ASCC3: variants seen among roughly 807,000 people sequenced by gnomAD.
ASCC3 encodes activating signal cointegrator 1 complex subunit 3.
Under a neutral mutation model 256.3 loss-of-function variants are expected in ASCC3, and 158 were observed. The ratio of observed to expected loss-of-function variants is 0.62; its 90% CI spans 0.54 to 0.70. The LOEUF is 0.70. Among genes scored for constraint, ASCC3 ranks in the 30% least tolerant of loss-of-function variants. ASCC3 has a pLI of 0.00. For synonymous variants in ASCC3, 948 were observed against 883.4 expected (o/e 1.07, Z -1.30); for missense variants, 2,259 against 2,626.0 (o/e 0.86, Z 3.05).
At chr6:100,880,912 G>T (rs894643480) in intron 1 of ASCC3, 149 bp downstream of exon 1, 1 of 152,250 alleles carries the variant, frequency 6.6e-6, no homozygotes, top group Non-Finnish European at 1.5e-5. Flanking sequence ...TCATGCCACT[G>T]AAAAGGATGA....
intron 16 of ASCC3, among the ~76,000 whole-genome samples, chr6:100,657,295 T>G (rs1204016718): frequency 2.0e-5 from 3 of 151,452 alleles, no homozygotes; most frequent in African/African-American, 7.2e-5. Flanking sequence ...CAGTGTAAAC[T>G]GTAAGCCTTT....
At chr6:100,811,225 GTA>G (rs2114385555) in intron 4 of ASCC3, among the ~76,000 whole-genome samples, 1 of 152,100 alleles carries the variant, frequency 6.6e-6, no homozygotes, top group Non-Finnish European at 1.5e-5. Flanking sequence ...TATTAACTCT[GTA>G]TTTAAAATAA....
At chr6:100,710,113 G>A (rs77650011) in intron 13 of ASCC3, among the ~76,000 whole-genome samples, 216 of 152,144 alleles carry the variant, frequency 1.4e-3, no homozygotes, top group African/African-American at 5.0e-3. Flanking sequence ...TACAAATCTG[G>A]ACACGATCTC....
chr6:100,644,121 C>T lies in ASCC3; in HGVS notation c.3642G>A (p.Gly1214=), dbSNP rs375536812. 3.2e-5 allele frequency: 51 copies of T among 1,609,768 alleles called. No homozygotes were observed. In the African/African-American group the frequency reaches 6.6e-4, roughly 21 times the overall value. The change falls in exon 23 of 42, where the codon GGG becomes GGA. Residue 1214 remains glycine (G), a synonymous_variant. Coordinates refer to ENST00000369162, the MANE Select transcript of ASCC3 (RefSeq NM_006828.4). ...ADFTWNDQVH[G]TVGEPWWIWV... ...AAATCCACCAAGGTTCTCCTACTGTCCCATGTACCTAGAAGAAAAATAGCA... is the reference window on the plus strand; with the variant it reads ...AAATCCACCAAGGTTCTCCTACTGTTCCATGTACCTAGAAGAAAAATAGCA...
chr6:100,540,411 A>G (rs755901346), intron 36 of ASCC3, 24 bp from the exon 37 acceptor site: 4 of 1,543,352 alleles, frequency 2.6e-6, no homozygotes, highest in Non-Finnish European at 3.6e-6. Context: ...AAAGCCCCAC[A>G]TTGTTGGATC....
At chr6:100,746,885 T>G (rs1174074847) in intron 10 of ASCC3, among the ~76,000 whole-genome samples, 1 of 152,048 alleles carries the variant, frequency 6.6e-6, no homozygotes, top group Non-Finnish European at 1.5e-5. Context: ...AACCCACACA[T>G]ATACAGTCAA....
intron 5 of ASCC3, among the ~76,000 whole-genome samples, chr6:100,802,224 G>A (rs1279421646): frequency 6.6e-6 from 1 of 151,946 alleles, no homozygotes; most frequent in East Asian, 1.9e-4. Flanking sequence ...TGTAGAAACT[G>A]ACATGCAAAA....
intron 36 of ASCC3, among the ~76,000 whole-genome samples, chr6:100,574,785 T>C (rs1456438648): frequency 1.3e-5 from 2 of 152,104 alleles, no homozygotes; most frequent in African/African-American, 2.4e-5. Flanking sequence ...TAAAAACCTA[T>C]AATCTACTAA....
At chr6:100,612,122 A>G (rs1349799937) in intron 30 of ASCC3, among the ~76,000 whole-genome samples, 1 of 152,004 alleles carries the variant, frequency 6.6e-6, no homozygotes, top group Non-Finnish European at 1.5e-5. Context: ...CTGTTGAACC[A>G]TTTACTTTAA....
rs956069157 is a variant in ASCC3, at chr6:100,789,636, A to C, written c.1395+9077T>G. On this transcript the variant is annotated intron_variant, in intron 8 of 41. Coordinates refer to ENST00000369162, the MANE Select transcript of ASCC3 (RefSeq NM_006828.4). ...GGAAAGAACAAAGTACATTTTACTC[A>C]GAAAAATTTCTGTTAAAAACGTATA... Among the ~76,000 whole-genome samples, 4 of 152,136 alleles carry C rather than the reference A, an allele frequency of 2.6e-5. No homozygotes were observed. The East Asian group carries it at 7.7e-4, about 29-fold the overall frequency.
chr6:100,703,035 T>C (rs1169066908), intron 13 of ASCC3, among the ~76,000 whole-genome samples: 3 of 152,142 alleles, frequency 2.0e-5, no homozygotes, highest in Non-Finnish European at 2.9e-5. Flanking sequence ...ACCAGTCTAA[T>C]AGCATAATAT....
chr6:100,574,488 G>A (rs1041594799), intron 36 of ASCC3, among the ~76,000 whole-genome samples: 2 of 151,730 alleles, frequency 1.3e-5, no homozygotes, highest in African/African-American at 2.4e-5. Context: ...GGGCAAGGTT[G>A]GGCCATTTTC....
intron 10 of ASCC3, among the ~76,000 whole-genome samples, chr6:100,731,960 G>T (rs939354609): frequency 1.3e-4 from 20 of 151,960 alleles, no homozygotes; most frequent in Admixed American, 1.3e-3. Flanking sequence ...TCAGGAGTTC[G>T]AGAACAGCCT....
At chr6:100,641,086 T>C (rs1488175290) in intron 24 of ASCC3, among the ~76,000 whole-genome samples, 1 of 152,178 alleles carries the variant, frequency 6.6e-6, no homozygotes, top group Non-Finnish European at 1.5e-5. Context: ...ATTAACAGAT[T>C]AGTTTAGGAT....
At chr6:100,749,782 AT>A (rs1780853345) in intron 10 of ASCC3, among the ~76,000 whole-genome samples, 1 of 151,860 alleles carries the variant, frequency 6.6e-6, no homozygotes, top group African/African-American at 2.4e-5. Flanking sequence ...TTAGAAAACT[AT>A]TTATGAGTAT....
At chr6:100,659,966 A>AT (rs1298594384) in intron 16 of ASCC3, among the ~76,000 whole-genome samples, 1 of 151,498 alleles carries the variant, frequency 6.6e-6, no homozygotes, top group Admixed American at 6.6e-5. Context: ...TTGTCCTTGG[A>AT]TTTAAGGCCT....
intron 14 of ASCC3, among the ~76,000 whole-genome samples, chr6:100,678,804 T>A (rs1262665185): frequency 6.6e-6 from 1 of 152,156 alleles, no homozygotes; most frequent in Non-Finnish European, 1.5e-5. Context: ...TCTATTTTTC[T>A]CCAGTAGTGC....
intron 37 of ASCC3, among the ~76,000 whole-genome samples, chr6:100,536,961 T>C (rs913914307): frequency 4.6e-5 from 7 of 152,128 alleles, no homozygotes; most frequent in African/African-American, 1.4e-4. Flanking sequence ...AGAAGGGAAG[T>C]TCTTCCTTAT....
chr6:100,853,776 T>G (rs558332924), intron 3 of ASCC3, among the ~76,000 whole-genome samples: 1 of 152,326 alleles, frequency 6.6e-6, no homozygotes, highest in South Asian at 2.1e-4. Flanking sequence ...AAGTATTCAA[T>G]TTAGAAGTTG....
Sources: gnomAD v4.1 joint callset for allele counts (sites outside exome capture counted in the v4.1 genomes callset) on GRCh38, gnomAD v4.1.1 for gene constraint, MANE v1.5 for transcripts, NCBI Gene and HGNC (gene_info 2026-07-23, HGNC 2026-07-21) for gene names.